The following VPS8 variants were observed in gnomAD, a reference collection of about 807,000 sequenced individuals.
The protein encoded by VPS8 is VPS8 subunit of CORVET complex.
In VPS8, 129 loss-of-function variants were observed where a neutral mutation model predicts 216.4. That is an observed-to-expected ratio of 0.60 (90% CI 0.52 to 0.69). The LOEUF (loss-of-function observed/expected upper bound fraction) is 0.69, where lower values mean the gene tolerates loss of function less well. Ranked by LOEUF, VPS8 falls within the 30% of genes least tolerant of loss-of-function variation. The pLI is 0.00. For missense variants in VPS8, 1,531 were observed against 1,683.5 expected (o/e 0.91, Z 1.59); for synonymous variants, 571 against 565.4 (o/e 1.01, Z -0.14).
At chr3:184,888,047 G>T (rs1457199197) in intron 22 of VPS8, among the ~76,000 whole-genome samples, 1 of 151,644 alleles carries the variant, frequency 6.6e-6, no homozygotes, top group Non-Finnish European at 1.5e-5. Context: ...GAGTGCAGTG[G>T]CGTGATCTCA....
At chr3:184,939,876 G>C (rs1353213586) in intron 35 of VPS8, among the ~76,000 whole-genome samples, 2 of 152,132 alleles carry the variant, frequency 1.3e-5, no homozygotes, top group Non-Finnish European at 2.9e-5. Context: ...CCACAGAGCA[G>C]TTCCAAGCAC....
chr3:184,899,930 A>G (rs1339637906), intron 24 of VPS8, among the ~76,000 whole-genome samples: 1 of 152,208 alleles, frequency 6.6e-6, no homozygotes, highest in Non-Finnish European at 1.5e-5. Context: ...ACACTGAGCT[A>G]TTGAGGTTAC....
intron 21 of VPS8, among the ~76,000 whole-genome samples, chr3:184,881,525 G>A (rs887062990): frequency 2.6e-5 from 4 of 152,032 alleles, no homozygotes; most frequent in Admixed American, 1.3e-4. Flanking sequence ...CTATCCCACT[G>A]CCAGTACCAC....
Position 184,878,922 on chromosome 3 carries a change from C to T in VPS8, c.1735-7188C>T, listed in dbSNP as rs1037853767. ...TCTGTGTGTAGATAGATATGTTTAT[C>T]TGTTTTGGTGTATGCGTGTATACAT... On this transcript the variant is annotated intron_variant, in intron 21 of 47. Transcript: ENST00000625842. 4.6e-5 allele frequency among the ~76,000 whole-genome samples: 7 copies of T among 152,018 alleles called. 1 individual carries two copies. Among genetic ancestry groups the T allele is most frequent in the Non-Finnish European group, 1.0e-4 (7 of 68,012 alleles).
At chr3:184,914,951 A>G in intron 26 of VPS8, 30 bp from the exon 27 acceptor site, 7 of 1,604,316 alleles carry the variant, frequency 4.4e-6, no homozygotes, top group Non-Finnish European at 6.0e-6. Flanking sequence ...TTTACAAGTC[A>G]CCATATCCAT....
At chr3:185,045,333 G>A (rs1280978645) in intron 46 of VPS8, among the ~76,000 whole-genome samples, 1 of 152,166 alleles carries the variant, frequency 6.6e-6, no homozygotes, top group African/African-American at 2.4e-5. Flanking sequence ...AGGCTTCTGT[G>A]ACTGTCCGTG....
At chr3:185,023,909 C>T (rs11921903) in intron 45 of VPS8, among the ~76,000 whole-genome samples, 14,745 of 152,188 alleles carry the variant, frequency 0.097, 1,736 homozygotes, top group African/African-American at 0.28. Flanking sequence ...TTGGCTGATA[C>T]TTTTTCTAAA....
At chr3:184,901,067 A>G in intron 25 of VPS8, 95 bp downstream of exon 25, 5 of 1,054,172 alleles carry the variant, frequency 4.7e-6, no homozygotes, top group Non-Finnish European at 7.2e-6. Flanking sequence ...TGCAGTGTGA[A>G]TGTTGGTAAT....
chr3:184,857,039 A>G (rs1423140954), intron 14 of VPS8, among the ~76,000 whole-genome samples: 1 of 152,180 alleles, frequency 6.6e-6, no homozygotes, highest in Non-Finnish European at 1.5e-5. Context: ...GCACTTTTAA[A>G]ATTACTTGTC....
intron 21 of VPS8, among the ~76,000 whole-genome samples, chr3:184,879,282 C>T (rs986336525): frequency 2.6e-5 from 4 of 152,102 alleles, no homozygotes; most frequent in South Asian, 4.1e-4. Context: ...CATGAATATC[C>T]GACAAGAGAA....
intron 39 of VPS8, among the ~76,000 whole-genome samples, chr3:184,968,315 G>T (rs1317823292): frequency 2.0e-5 from 3 of 151,966 alleles, no homozygotes; most frequent in Non-Finnish European, 4.4e-5. Flanking sequence ...TCCACTTTTT[G>T]TCTATTATGA....
intron 28 of VPS8, among the ~76,000 whole-genome samples, chr3:184,918,564 T>A (rs1738024260): frequency 1.3e-5 from 2 of 152,222 alleles, no homozygotes; most frequent in African/African-American, 4.8e-5. Context: ...CTGTGGTATA[T>A]CACCACTTAA....
At chr3:185,026,701 CTTTTTTT>C (rs1165255623) in intron 46 of VPS8, among the ~76,000 whole-genome samples, 6 of 85,938 alleles carry the variant, frequency 7.0e-5, no homozygotes, top group African/African-American at 2.3e-4. Context: ...GAGCCACTGT[CTTTTTTT>C]TTTTTTTTTT....
At chr3:185,041,854 A>C (rs1270955369) in intron 46 of VPS8, among the ~76,000 whole-genome samples, 2 of 152,218 alleles carry the variant, frequency 1.3e-5, no homozygotes, top group Non-Finnish European at 1.5e-5. Flanking sequence ...CAATTGTGCC[A>C]GCCCTGAAAG....
intron 40 of VPS8, among the ~76,000 whole-genome samples, chr3:184,977,402 G>A (rs1287855606): frequency 6.6e-6 from 1 of 152,040 alleles, no homozygotes; most frequent in Non-Finnish European, 1.5e-5. Flanking sequence ...TCATTCTCTA[G>A]GTTGTGTGTT....
intron 34 of VPS8, among the ~76,000 whole-genome samples, chr3:184,935,045 G>T (rs1257294677): frequency 3.3e-5 from 5 of 152,000 alleles, no homozygotes; most frequent in Admixed American, 3.3e-4. Flanking sequence ...AATCAAATCA[G>T]GGTCAGACAC....
intron 4 of VPS8, among the ~76,000 whole-genome samples, chr3:184,833,844 G>T (rs1181581388): frequency 6.6e-6 from 1 of 151,996 alleles, no homozygotes; most frequent in South Asian, 2.1e-4. Flanking sequence ...CAAATAAACA[G>T]AATTAAACTG....
intron 24 of VPS8, among the ~76,000 whole-genome samples, chr3:184,899,955 G>C (rs1424700008): frequency 6.6e-6 from 1 of 152,144 alleles, no homozygotes; most frequent in Non-Finnish European, 1.5e-5. Context: ...TTTTGTGTTC[G>C]AAGTGTTTAA....
At chr3:184,900,825 C>T in intron 24 of VPS8, 96 bp from the exon 25 acceptor site, 1 of 1,032,038 alleles carries the variant, frequency 9.7e-7, no homozygotes, top group Admixed American at 2.5e-5. Flanking sequence ...ATGACTAATT[C>T]CATTAGCGAA....
Sources: gnomAD v4.1 joint callset for allele counts (sites outside exome capture counted in the v4.1 genomes callset) on GRCh38, gnomAD v4.1.1 for gene constraint, MANE v1.5 for transcripts, NCBI Gene and HGNC (gene_info 2026-07-23, HGNC 2026-07-21) for gene names.